ADAMTSL1: variants seen among roughly 807,000 people sequenced by gnomAD.
ADAMTSL1 encodes the protein ADAMTS-like protein 1.
ADAMTSL1 carries 126 observed loss-of-function variants against 201.8 expected under a neutral mutation model. The observed-to-expected ratio is 0.62, with a 90% CI of 0.54 to 0.72. The LOEUF is 0.72. ADAMTSL1 is among the 30% of genes least tolerant of loss of function. The pLI is 0.00. For missense variants in ADAMTSL1, 2,679 were observed against 2,277.8 expected (o/e 1.18, Z -3.59); for synonymous variants, 1,121 against 903.4 (o/e 1.24, Z -4.32).
chr9:17,964,426 T>C (rs1337145661), intron 1 of ADAMTSL1, among the ~76,000 whole-genome samples: 1 of 152,096 alleles, frequency 6.6e-6, no homozygotes, highest in African/African-American at 2.4e-5. Flanking sequence ...TGAAAACAAA[T>C]TAGTGGTAGC....
chr9:18,344,746 T>C (rs1349995380), intron 2 of ADAMTSL1, among the ~76,000 whole-genome samples: 12 of 151,830 alleles, frequency 7.9e-5, no homozygotes, highest in African/African-American at 2.7e-4. Context: ...GCTGGGAAAA[T>C]GAACAACTGT....
chr9:18,038,994 A>G (rs1324925948), intron 1 of ADAMTSL1, among the ~76,000 whole-genome samples: 1 of 152,236 alleles, frequency 6.6e-6, no homozygotes, highest in Non-Finnish European at 1.5e-5. Context: ...TTCTCTTCAT[A>G]GGATTAATAA....
chr9:18,134,149 T>C (rs535934012), intron 1 of ADAMTSL1, among the ~76,000 whole-genome samples: 2 of 152,308 alleles, frequency 1.3e-5, no homozygotes, highest in South Asian at 4.1e-4. Flanking sequence ...TCTGGTCATT[T>C]ACTAGGAACT....
chr9:18,673,054 C>T (rs564029549), intron 9 of ADAMTSL1, among the ~76,000 whole-genome samples: 17 of 152,244 alleles, frequency 1.1e-4, no homozygotes, highest in African/African-American at 3.9e-4. Context: ...TATCTTTTCC[C>T]TTTGTGACCA....
At chr9:18,717,820 C>G (rs529274) in intron 14 of ADAMTSL1, among the ~76,000 whole-genome samples, 39,480 of 152,058 alleles carry the variant, frequency 0.26, 5,659 homozygotes, top group Non-Finnish European at 0.33. Flanking sequence ...AATGTGCAAA[C>G]TGATATAGTA....
intron 2 of ADAMTSL1, among the ~76,000 whole-genome samples, chr9:18,518,902 T>C (rs1384793708): frequency 1.3e-5 from 2 of 152,096 alleles, no homozygotes; most frequent in Non-Finnish European, 2.9e-5. Flanking sequence ...GAGACAGGGT[T>C]TCACCATGAT....
chr9:18,906,987 G>T, intron 28 of ADAMTSL1, 75 bp downstream of exon 28: 1 of 1,540,582 alleles, frequency 6.5e-7, no homozygotes, highest in Non-Finnish European at 8.9e-7. Context: ...CCCTGGGACC[G>T]ACCCTGAGCA....
At chr9:18,310,014 G>T (rs528813514) in intron 2 of ADAMTSL1, among the ~76,000 whole-genome samples, 85 of 152,162 alleles carry the variant, frequency 5.6e-4, no homozygotes, top group Non-Finnish European at 9.6e-4. Flanking sequence ...ACTGAACAGA[G>T]GCCTCAGAAA....
At chr9:17,973,858 T>C (rs1160970865) in intron 1 of ADAMTSL1, among the ~76,000 whole-genome samples, 1 of 150,494 alleles carries the variant, frequency 6.6e-6, no homozygotes, top group Non-Finnish European at 1.5e-5. Flanking sequence ...TGGTTTGTAG[T>C]TCTCCTTGAA....
chr9:18,654,934 A>T (rs1828531508), intron 7 of ADAMTSL1, among the ~76,000 whole-genome samples: 1 of 152,224 alleles, frequency 6.6e-6, no homozygotes, highest in African/African-American at 2.4e-5. Flanking sequence ...GATACACAGT[A>T]GTGGTTCACC....
At chr9:18,200,601 A>G (rs1355928084) in intron 2 of ADAMTSL1, among the ~76,000 whole-genome samples, 4 of 152,028 alleles carry the variant, frequency 2.6e-5, no homozygotes, top group South Asian at 2.1e-4. Flanking sequence ...AATGGCTGCC[A>G]TAATTGTTTA....
intron 17 of ADAMTSL1, among the ~76,000 whole-genome samples, chr9:18,771,734 GGATA>G (rs1820702939): frequency 2.5e-4 from 6 of 24,188 alleles, no homozygotes; most frequent in South Asian, 1.7e-3. Context: ...TTTTTTTTTT[GGATA>G]GTATACAACT....
chr9:18,422,297 C>T (rs1818991881), intron 2 of ADAMTSL1, among the ~76,000 whole-genome samples: 1 of 152,278 alleles, frequency 6.6e-6, no homozygotes, highest in South Asian at 2.1e-4. Context: ...AGAGATACCC[C>T]TCTTTCTGAA....
At chr9:17,977,136 G>T (rs537056204) in intron 1 of ADAMTSL1, among the ~76,000 whole-genome samples, 1 of 152,078 alleles carries the variant, frequency 6.6e-6, no homozygotes, top group Non-Finnish European at 1.5e-5. Context: ...TTATTGGTTT[G>T]TGTATGTTAA....
At chr9:18,333,137 G>GACT (rs1835098443) in intron 2 of ADAMTSL1, among the ~76,000 whole-genome samples, 1 of 152,156 alleles carries the variant, frequency 6.6e-6, no homozygotes, top group Non-Finnish European at 1.5e-5. Context: ...CTTCAGGTGT[G>GACT]ATTATTATTT....
intron 22 of ADAMTSL1, among the ~76,000 whole-genome samples, chr9:18,828,415 TGAG>T (rs990589428): frequency 6.6e-5 from 10 of 151,806 alleles, no homozygotes; most frequent in South Asian, 2.1e-4. Flanking sequence ...GAGGAAGTAT[TGAG>T]GAGGAGAGAA....
intron 1 of ADAMTSL1, among the ~76,000 whole-genome samples, chr9:18,102,595 A>T (rs1824578890): frequency 6.6e-6 from 1 of 152,200 alleles, no homozygotes; most frequent in Non-Finnish European, 1.5e-5. Flanking sequence ...GACCAGCAAG[A>T]TGTGGGAGCA....
At chr9:17,976,074 T>A (rs1461964131) in intron 1 of ADAMTSL1, among the ~76,000 whole-genome samples, 1 of 152,082 alleles carries the variant, frequency 6.6e-6, no homozygotes, top group Non-Finnish European at 1.5e-5. Flanking sequence ...TTCTGATCCT[T>A]TGGTCATTGT....
At chr9:18,408,908 A>G (rs937511423) in intron 2 of ADAMTSL1, among the ~76,000 whole-genome samples, 4 of 152,226 alleles carry the variant, frequency 2.6e-5, no homozygotes, top group Middle Eastern at 3.2e-3. Context: ...ATAATATAGG[A>G]TCATATAAAA....
Sources: gnomAD v4.1 joint callset for allele counts (sites outside exome capture counted in the v4.1 genomes callset) on GRCh38, gnomAD v4.1.1 for gene constraint, MANE v1.5 for transcripts, NCBI Gene and HGNC (gene_info 2026-07-23, HGNC 2026-07-21) for gene names.